Variants in NF1 observed in about 807,000 individuals in gnomAD.
NF1 encodes neurofibromin.
Under a neutral mutation model 325.7 loss-of-function variants are expected in NF1, and 122 were observed. The ratio of observed to expected loss-of-function variants is 0.37; its 90% confidence interval spans 0.32 to 0.44. NF1 has a LOEUF of 0.44. Among genes scored for constraint, NF1 ranks in the 20% least tolerant of loss-of-function variants. NF1 has a pLI of 1.00. For synonymous variants in NF1, 1,091 were observed against 1,186.0 expected (o/e 0.92, Z 1.65); for missense variants, 2,140 against 3,415.4 (o/e 0.63, Z 9.31).
intron 30 of NF1, chr17:31,250,474 G>C (rs2151453334): frequency 4.8e-6 from 1 of 208,940 alleles, no homozygotes; most frequent in African/African-American, 2.3e-5. Flanking sequence ...TAAAATGACA[G>C]AGGCTTTGAC....
chr17:31,252,996 A>G lies in NF1; in HGVS notation c.4169A>G (p.Lys1390Arg), dbSNP rs2151456251. 6.2e-7 allele frequency: 1 copy of G among 1,612,722 alleles called. No individual in the cohort carries two copies. Among genetic ancestry groups the G allele is most frequent in the Non-Finnish European group, 8.5e-7 (1 of 1,179,172 alleles). ...ATVKEKKENKKSVVSQRFPQN... is the reference protein window; with the variant it reads ...ATVKEKKENKRSVVSQRFPQN... ...GTAAAAGAAAAAAAGGAAAACAAAA[A>G]ATCAGTAAGTTTGGAGAACTTTTTA... The change falls in exon 31 of 58, where the codon AAA (lysine) becomes AGA (arginine). Residue 1390 changes from lysine to arginine, a missense_variant. Around this residue, in one of 10 missense-constraint regions of NF1, gnomAD observed 336 missense variants for 399.0 expected, o/e 0.84. Transcript: ENST00000358273.
At chr17:31,116,658 T>C (rs1913940511) in intron 1 of NF1, among the ~76,000 whole-genome samples, 1 of 151,966 alleles carries the variant, frequency 6.6e-6, no homozygotes, top group African/African-American at 2.4e-5. Flanking sequence ...AAAATCATTT[T>C]ATTTTATTTT....
chr17:31,291,144 G>A (rs1027791421), intron 36 of NF1, among the ~76,000 whole-genome samples: 1 of 152,000 alleles, frequency 6.6e-6, no homozygotes. Flanking sequence ...TTTCAGAATT[G>A]CCTTAATCTG....
At position 31,235,661 on chromosome 17, in the gene NF1, C is replaced by T. The variant is rs2151437828; in HGVS notation, c.3759C>T (p.Leu1253=). ...CTCTGTTTGATTCTCGGCATTTACTCTACCAACTGCTCTGGAACATGTTTT... is the reference window on the plus strand; with the variant it reads ...CTCTGTTTGATTCTCGGCATTTACTTTACCAACTGCTCTGGAACATGTTTT... ...LVTLFDSRHL[L]YQLLWNMFSK... The change falls in exon 28 of 58, where the codon CTC becomes CTT. Residue 1253 remains leucine, a synonymous_variant. Transcript: ENST00000358273. The T allele has an allele frequency of 6.2e-7, 1 of 1,614,140 alleles. No individual in the cohort carries two copies. Among genetic ancestry groups the T allele is most frequent in the African/African-American group, 1.3e-5 (1 of 75,036 alleles).
chr17:31,256,902 CCT>C, intron 31 of NF1, among the ~76,000 whole-genome samples: 1 of 152,270 alleles, frequency 6.6e-6, no homozygotes, highest in South Asian at 2.1e-4. Flanking sequence ...TTACAACTGA[CCT>C]CTTTTTATCA....
At chr17:31,350,077 A>G in intron 49 of NF1, 106 bp from the exon 50 acceptor site, 1 of 1,181,480 alleles carries the variant, frequency 8.5e-7, no homozygotes, top group East Asian at 2.3e-5. Flanking sequence ...ATATGTGCAC[A>G]TTTAACAGGT....
chr17:31,181,429 A>G lies in NF1; in HGVS notation c.594A>G (p.Ala198=), dbSNP rs138411879. 7 of 1,613,298 alleles carry G rather than the reference A, an allele frequency of 4.3e-6. No individual in the cohort carries two copies. The highest frequency in any genetic ancestry group is 5.9e-6 in the Non-Finnish European group (7 of 1,179,536). Reference sequence around the variant, plus strand: ...AAATTGTGTTTTTTCCAGAAACAGCATTTAAATTTAAAGCCCTAAAGAAGG... The same window carrying G: ...AAATTGTGTTTTTTCCAGAAACAGCGTTTAAATTTAAAGCCCTAAAGAAGG... ...AKLKRLLKET[A]FKFKALKKVA... The change falls in exon 6 of 58, where the codon GCA becomes GCG. Residue 198 remains alanine, a synonymous_variant. Transcript: ENST00000358273.
chr17:31,354,958 T>G (rs2070236300), intron 51 of NF1, among the ~76,000 whole-genome samples: 1 of 152,202 alleles, frequency 6.6e-6, no homozygotes. Flanking sequence ...ACTGTCTAGA[T>G]AGTGATACCA....
rs960199090 is a variant in NF1 at position 31,226,315 on chromosome 17, G to GGA, written c.2002-117_2002-116dup. 11 of 618,094 alleles carry GGA rather than the reference G, an allele frequency of 1.8e-5. No individual in the cohort carries two copies. The African/African-American group carries it at 2.3e-4, about 13-fold the overall frequency. The allele number at this position is 618,094 out of a possible 1,614,324, so 38.3% of individuals were successfully genotyped here. A position where few individuals can be genotyped will look rare whatever the true frequency, so the allele number is the denominator to read the frequency against. On this transcript the variant is annotated intron_variant, in intron 17 of 57. Transcript: ENST00000358273. The stretch of plus-strand genomic sequence containing the variant: ...AAAGCTCTTGTGAGTTATTGTATGC[G>GGA]GAGACACACACACACACACACACAC...
intron 29 of NF1, among the ~76,000 whole-genome samples, chr17:31,237,862 G>A (rs1010453161): frequency 5.3e-5 from 8 of 151,950 alleles, no homozygotes; most frequent in Non-Finnish European, 1.0e-4. Context: ...GAACTAGATG[G>A]CAAACAATAT....
chr17:31,124,994 G>A (rs1231690368), intron 1 of NF1, among the ~76,000 whole-genome samples: 2 of 151,038 alleles, frequency 1.3e-5, no homozygotes, highest in Admixed American at 1.3e-4. Flanking sequence ...AAAAAACATG[G>A]TGAACTCTTA....
At chr17:31,119,414 T>G (rs1274674163) in intron 1 of NF1, among the ~76,000 whole-genome samples, 1 of 152,150 alleles carries the variant, frequency 6.6e-6, no homozygotes, top group Admixed American at 6.5e-5. Context: ...CATAAATATC[T>G]TCTTTTGAGA....
In NF1 at chr17:31,249,004, T is replaced by C; in HGVS notation, c.3995T>C (p.Leu1332Pro). The change falls in exon 30 of 58, where the codon CTT becomes CCT. Residue 1332 changes from leucine to proline, a missense_variant. Leu to Pro is a moderately conservative substitution (Grantham distance 98, BLOSUM62 -3). This residue lies in a region of NF1 where 336 missense variants were observed against 399.0 expected (regional missense o/e 0.84). Transcript: ENST00000358273. The stretch of plus-strand genomic sequence containing the variant: ...TGTAGGTTAGAACCATCAGAGAGCC[T>C]TGAGGAAAACCAGCGGAACCTCCTT... Reference protein sequence around the residue: ...DPTRLEPSESLEENQRNLLQM... With the variant: ...DPTRLEPSESPEENQRNLLQM... 1.2e-6 allele frequency: 2 copies of C among 1,614,134 alleles called. No homozygotes were observed. Among genetic ancestry groups the C allele is most frequent in the Non-Finnish European group, 1.7e-6 (2 of 1,179,984 alleles).
rs2069723516 is a variant in NF1 at position 31,338,000 on chromosome 17, A to G, written c.6705-25A>G. 3 of 1,587,808 alleles carry G rather than the reference A, an allele frequency of 1.9e-6. No individual in the cohort carries two copies. The Admixed American group carries it at 5.0e-5, about 26-fold the overall frequency. The stretch of plus-strand genomic sequence containing the variant: ...ATATATAAACACAAAGGTTTTTATA[A>G]GTTCTGTGGATCTTTTAATTGCAGA... On this transcript the variant is annotated intron_variant, in intron 44 of 57. Coordinates refer to ENST00000358273, the MANE Select transcript of NF1 (RefSeq NM_001042492.3).
At chr17:31,134,031 T>A (rs1196528500) in intron 1 of NF1, among the ~76,000 whole-genome samples, 3 of 152,176 alleles carry the variant, frequency 2.0e-5, no homozygotes, top group Non-Finnish European at 2.9e-5. Context: ...GGTTTTTTTT[T>A]AATAGAGGTT....
rs1555615020 is a variant in NF1, at chr17:31,233,024, C to T, written c.3519C>T (p.Leu1173=). The T allele has an allele frequency of 9.9e-6, 16 of 1,614,174 alleles. No homozygotes were observed. The highest frequency in any genetic ancestry group is 1.4e-5 in the Non-Finnish European group (16 of 1,180,022). The change falls in exon 27 of 58, where the codon CTC becomes CTT. Residue 1173 remains leucine, a synonymous_variant. Coordinates refer to ENST00000358273, the MANE Select transcript of NF1 (RefSeq NM_001042492.3). Reference sequence around the variant, plus strand: ...TAGGCTTAGGTTACCACAAGGATCTCCAGACAAGAGCTACATTTATGGAAG... The same window carrying T: ...TAGGCTTAGGTTACCACAAGGATCTTCAGACAAGAGCTACATTTATGGAAG... ...HSIGLGYHKD[L]QTRATFMEVL...
At chr17:31,213,059 G>A (rs1451918412) in intron 12 of NF1, among the ~76,000 whole-genome samples, 2 of 152,182 alleles carry the variant, frequency 1.3e-5, no homozygotes, top group Middle Eastern at 3.2e-3. Context: ...TGCAATGGCT[G>A]CATCAGGGAA....
intron 36 of NF1, among the ~76,000 whole-genome samples, chr17:31,308,616 T>A (rs1357430362): frequency 6.8e-6 from 1 of 147,550 alleles, no homozygotes; most frequent in Non-Finnish European, 1.5e-5. Context: ...TGCTGTTTTT[T>A]ACCCTTCTCA....
chr17:31,352,216 A>G, intron 50 of NF1, 41 bp from the exon 51 acceptor site: 1 of 1,584,028 alleles, frequency 6.3e-7, no homozygotes, highest in Non-Finnish European at 8.7e-7. Flanking sequence ...TGTATTTGTC[A>G]CCATATTAAT....
Sources: allele counts gnomAD v4.1 joint callset (sites outside exome capture counted in the v4.1 genomes callset), GRCh38; gene constraint gnomAD v4.1.1; regional missense constraint gnomAD v4.1.1; transcripts MANE v1.5; gene names NCBI Gene and HGNC (gene_info 2026-07-23, HGNC 2026-07-21).